Variants in GPC6 observed in about 807,000 individuals in gnomAD.
GPC6 encodes the protein glypican-6.
GPC6 carries 14 observed loss-of-function variants against 55.2 expected under a neutral mutation model. The observed-to-expected ratio is 0.25, with a 90% confidence interval of 0.17 to 0.40. GPC6 has a LOEUF of 0.40. GPC6 is among the 10% of genes least tolerant of loss of function. GPC6 has a pLI of 1.00. For missense variants in GPC6, 641 were observed against 708.5 expected (o/e 0.90, Z 1.08); for synonymous variants, 278 against 259.6 (o/e 1.07, Z -0.68).
chr13:93,859,773 G>A (rs1277328348), intron 3 of GPC6, among the ~76,000 whole-genome samples: 3 of 151,564 alleles, frequency 2.0e-5, no homozygotes, highest in Non-Finnish European at 4.4e-5. Flanking sequence ...GAGTTCAGTA[G>A]CCTCATGACT....
At chr13:93,833,581 T>A (rs938402820) in intron 3 of GPC6, among the ~76,000 whole-genome samples, 5 of 148,870 alleles carry the variant, frequency 3.4e-5, no homozygotes, top group Admixed American at 6.7e-5. Context: ...TTTTTTTTTT[T>A]CTCTTCAGTT....
At chr13:93,275,430 G>C (rs1385799168) in intron 1 of GPC6, among the ~76,000 whole-genome samples, 1 of 152,162 alleles carries the variant, frequency 6.6e-6, no homozygotes, top group Non-Finnish European at 1.5e-5. Context: ...AGTAAAGAGG[G>C]ATCTCAACAG....
chr13:93,753,245 A>T (rs145629546), intron 2 of GPC6, among the ~76,000 whole-genome samples: 1 of 152,280 alleles, frequency 6.6e-6, no homozygotes, highest in South Asian at 2.1e-4. Flanking sequence ...GAACATTTAT[A>T]TATAACCATT....
intron 4 of GPC6, among the ~76,000 whole-genome samples, chr13:94,272,190 A>G (rs1761368221): frequency 6.6e-6 from 1 of 152,066 alleles, no homozygotes; most frequent in South Asian, 2.1e-4. Context: ...TCAATGGGGA[A>G]TTCCACAACA....
At chr13:93,701,381 T>G (rs1361680409) in intron 2 of GPC6, among the ~76,000 whole-genome samples, 1 of 151,976 alleles carries the variant, frequency 6.6e-6, no homozygotes. Context: ...AGTACATACA[T>G]TAATAAATAC....
intron 4 of GPC6, among the ~76,000 whole-genome samples, chr13:94,048,551 T>C (rs923556958): frequency 4.0e-4 from 61 of 152,066 alleles, no homozygotes; most frequent in Admixed American, 2.4e-3. Flanking sequence ...CATTAATTTA[T>C]TGAAGCTTCA....
At chr13:94,053,006 G>A (rs770543642) in intron 4 of GPC6, among the ~76,000 whole-genome samples, 3 of 152,202 alleles carry the variant, frequency 2.0e-5, no homozygotes, top group Non-Finnish European at 2.9e-5. Flanking sequence ...ATCACCTCCC[G>A]TTTTCTCAAG....
At chr13:93,841,641 T>C (rs1184473236) in intron 3 of GPC6, among the ~76,000 whole-genome samples, 1 of 152,188 alleles carries the variant, frequency 6.6e-6, no homozygotes, top group Non-Finnish European at 1.5e-5. Flanking sequence ...TAAGTAAAAC[T>C]ATAGCCGAAA....
At chr13:93,420,920 T>C (rs1876899020) in intron 1 of GPC6, among the ~76,000 whole-genome samples, 1 of 152,064 alleles carries the variant, frequency 6.6e-6, no homozygotes, top group Non-Finnish European at 1.5e-5. Flanking sequence ...GAGTATCTAA[T>C]TACATTGAGT....
chr13:93,545,543 C>T, intron 2 of GPC6, 122 bp downstream of exon 2: 1 of 830,458 alleles, frequency 1.2e-6, no homozygotes. Flanking sequence ...ATATTTATAG[C>T]ATTGTCTATT....
intron 3 of GPC6, among the ~76,000 whole-genome samples, chr13:93,961,154 T>C (rs768578213): frequency 2.5e-4 from 38 of 152,194 alleles, no homozygotes; most frequent in Non-Finnish European, 4.4e-4. Context: ...GTTGGTTGTT[T>C]TGGCATCCTG....
chr13:93,968,262 A>G (rs1487195058), intron 3 of GPC6, among the ~76,000 whole-genome samples: 1 of 152,196 alleles, frequency 6.6e-6, no homozygotes, highest in Non-Finnish European at 1.5e-5. Context: ...TACTTAGAAA[A>G]TAATTGCTTA....
At chr13:93,748,080 A>G (rs1357897247) in intron 2 of GPC6, among the ~76,000 whole-genome samples, 2 of 152,206 alleles carry the variant, frequency 1.3e-5, no homozygotes, top group East Asian at 1.9e-4. Flanking sequence ...ACTGTCTTTT[A>G]TAATGGTATG....
chr13:93,226,049 T>C (rs1041245956), upstream of GPC6, among the ~76,000 whole-genome samples: 2 of 152,162 alleles, frequency 1.3e-5, no homozygotes, highest in African/African-American at 4.8e-5. Context: ...TCACAGAACA[T>C]CAGTGTAAAT....
Position 94,212,558 on chromosome 13 carries a change from A to T in GPC6, c.878-73791A>T, listed in dbSNP as rs115634076. On this transcript the variant is annotated intron_variant, in intron 4 of 8. Transcript: ENST00000377047. ...CATTTAAAATTATTGGGTGTCTAAA[A>T]TTGTTTAAAACCAGGAAAAATATAT... is the stretch of plus-strand genomic sequence containing the variant. 4.2e-3 allele frequency among the ~76,000 whole-genome samples: 637 copies of T among 152,332 alleles called. 11 individuals are homozygous for T. The highest frequency in any genetic ancestry group is 0.015 in the African/African-American group (612 of 41,578).
At chr13:94,185,421 T>C (rs932462406) in intron 4 of GPC6, among the ~76,000 whole-genome samples, 1 of 152,062 alleles carries the variant, frequency 6.6e-6, no homozygotes, top group Non-Finnish European at 1.5e-5. Context: ...CTACAAACTT[T>C]TCAATCAGGT....
At chr13:94,300,939 C>T (rs9589947) in intron 5 of GPC6, among the ~76,000 whole-genome samples, 1 of 152,142 alleles carries the variant, frequency 6.6e-6, no homozygotes, top group African/African-American at 2.4e-5. Context: ...ACAAATACCT[C>T]TAAGTAAATG....
intron 4 of GPC6, among the ~76,000 whole-genome samples, chr13:94,139,951 G>A (rs528869145): frequency 6.6e-6 from 1 of 151,790 alleles, no homozygotes; most frequent in South Asian, 2.1e-4. Flanking sequence ...TTTTTTATTT[G>A]ACCCCTTCCC....
intron 7 of GPC6, among the ~76,000 whole-genome samples, chr13:94,388,349 C>A (rs568489525): frequency 6.6e-6 from 1 of 152,218 alleles, no homozygotes; most frequent in South Asian, 2.1e-4. Context: ...GAGTTCACGT[C>A]GTTCAATTAT....
Sources: allele counts gnomAD v4.1 joint callset (sites outside exome capture counted in the v4.1 genomes callset), GRCh38; gene constraint gnomAD v4.1.1; transcripts MANE v1.5; gene names NCBI Gene and HGNC (gene_info 2026-07-23, HGNC 2026-07-21).